Variants in SBK2 observed in about 807,000 individuals in gnomAD.
SBK2 encodes SH3 domain binding kinase family member 2.
SBK2 carries 18 observed loss-of-function variants against 15.9 expected under a neutral mutation model. The observed-to-expected ratio is 1.13, with a 90% CI of 0.78 to 1.68. The LOEUF (loss-of-function observed/expected upper bound fraction) is 1.68, where lower values mean the gene tolerates loss of function less well. SBK2 is among the 40% of genes most tolerant of loss of function. The pLI, the probability that SBK2 is intolerant of heterozygous loss-of-function variation, is 0.00. For missense variants in SBK2, 581 were observed against 510.9 expected, an observed-to-expected ratio of 1.14 and a Z score of -1.32; for synonymous variants, 284 against 246.8, an observed-to-expected ratio of 1.15 and a Z score of -1.41.
Position 55,529,794 on chromosome 19 carries a change from CA to C in SBK2, c.985del (p.Trp329GlyfsTer76), listed in dbSNP as rs765036674. The C allele has an allele frequency of 1.9e-6, 3 of 1,604,322 alleles. No individual in the cohort carries two copies. Among genetic ancestry groups the C allele is most frequent in the Non-Finnish European group, 2.5e-6 (3 of 1,179,696 alleles). On this transcript the variant is annotated frameshift_variant, in exon 4 of 4. Coordinates refer to ENST00000413299, the MANE Select transcript of SBK2 (RefSeq NM_001370096.2). LOFTEE classifies it low-confidence loss of function (END_TRUNC). Reference sequence around the variant, plus strand: ...CTCCGCCTCGCCCTCCCGCTGCCTCCAGGGGCGCCCCAGGTGCTCCCTGATG... The same window carrying C: ...CTCCGCCTCGCCCTCCCGCTGCCTCCGGGGCGCCCCAGGTGCTCCCTGATG... ...IAIREHLGRPWRQREGEAEAV... is the reference protein window; with the variant it reads ...IAIREHLGRPXRQREGEAEAV...
rs200910704 is a variant in SBK2 at position 55,536,037 on chromosome 19, C to G, written c.253+5G>C. On this transcript the variant is annotated splice_donor_5th_base_variant and intron_variant, in intron 2 of 3. Transcript: ENST00000413299. ...CCTGCCACCTCTGGCCCCACAGCCT[C>G]GTACCTTTCTGACGATGGGTGACCA... 8.2e-6 allele frequency: 12 copies of G among 1,468,200 alleles called. No homozygotes were observed. The Admixed American group carries it at 2.6e-4, about 31-fold the overall frequency. 90.9% of individuals were successfully genotyped at this position (1,468,200 alleles called of 1,614,324 possible). A position where few individuals can be genotyped will look rare whatever the true frequency, so the allele number is the denominator to read the frequency against.
rs755938435 is a variant in SBK2, at chr19:55,531,127, G to C, written c.456+16C>G. 1 of 1,604,968 alleles carries C rather than the reference G, an allele frequency of 6.2e-7. No individual in the cohort carries two copies. Among genetic ancestry groups the C allele is most frequent in the African/African-American group, 1.3e-5 (1 of 74,838 alleles). ...CGGTGAGGCACTCGGAGGCGGCCTG[G>C]GGTCTGCCTACGCACCTTGGGCTGG... On this transcript the variant is annotated intron_variant, in intron 3 of 3. Coordinates refer to ENST00000413299, the MANE Select transcript of SBK2 (RefSeq NM_001370096.2).
At position 55,529,201 on chromosome 19, in the gene SBK2, C is replaced by G. The variant is rs1381246526; in HGVS notation, c.*532G>C. Among the ~76,000 whole-genome samples the G allele has an allele frequency of 6.9e-6, 1 of 144,624 alleles. No homozygotes were observed. Among genetic ancestry groups the G allele is most frequent in the Non-Finnish European group, 1.5e-5 (1 of 66,938 alleles). 94.9% of individuals were successfully genotyped at this position (144,624 alleles called of 152,430 possible). A position where few individuals can be genotyped will look rare whatever the true frequency, so the allele number is the denominator to read the frequency against. ...TTTGAGGCCAGGAGTTGACACCCAC[C>G]TGGGCAACATAGCAAGACCCCTCCA... On this transcript the variant is annotated 3_prime_UTR_variant, in exon 4 of 4. Coordinates refer to ENST00000413299, the MANE Select transcript of SBK2 (RefSeq NM_001370096.2).
intron 2 of SBK2, among the ~76,000 whole-genome samples, chr19:55,533,623 ACAGTCCG>A (rs539195680): frequency 0.58 from 29,718 of 51,130 alleles, 11,255 homozygotes; most frequent in Non-Finnish European, 0.62. Flanking sequence ...ACTGCAGTCC[ACAGTCCG>A]GCCTGGGCGA....
At chr19:55,535,191 C>G (rs955960758) in intron 2 of SBK2, among the ~76,000 whole-genome samples, 2 of 152,066 alleles carry the variant, frequency 1.3e-5, no homozygotes, top group African/African-American at 2.4e-5. Flanking sequence ...CCCGCCCAAC[C>G]CCCCCAGCAC....
intron 2 of SBK2, among the ~76,000 whole-genome samples, chr19:55,535,242 C>T (rs1988369224): frequency 6.6e-6 from 1 of 151,246 alleles, no homozygotes; most frequent in Non-Finnish European, 1.5e-5. Flanking sequence ...TGACTGACCT[C>T]AGGTTGCCTC....
rs79491135 is a variant in SBK2, at chr19:55,529,328, T to C, written c.*405A>G. Among the ~76,000 whole-genome samples, 1,787 of 152,070 alleles carry C rather than the reference T, an allele frequency of 0.012. 35 individuals are homozygous for C. The highest frequency in any genetic ancestry group is 0.039 in the African/African-American group (1,630 of 41,386). ...GGAAGATTGCTTGAGCTGTGGATTTTGAGACTGCAGTGAGCAGAGATAGCA... is the reference window on the plus strand; with the variant it reads ...GGAAGATTGCTTGAGCTGTGGATTTCGAGACTGCAGTGAGCAGAGATAGCA... On this transcript the variant is annotated 3_prime_UTR_variant, in exon 4 of 4. Coordinates refer to ENST00000413299, the MANE Select transcript of SBK2 (RefSeq NM_001370096.2).
intron 2 of SBK2, among the ~76,000 whole-genome samples, chr19:55,533,584 C>T (rs74737065): frequency 0.74 from 53,741 of 72,520 alleles, 20,261 homozygotes; most frequent in Middle Eastern, 0.76. Flanking sequence ...ACCCGGGAGG[C>T]GGAGCTTGCA....
intron 2 of SBK2, among the ~76,000 whole-genome samples, chr19:55,535,141 G>A (rs57249566): frequency 2.8e-4 from 42 of 152,286 alleles, no homozygotes; most frequent in African/African-American, 9.6e-4. Flanking sequence ...GGAGATTTTT[G>A]AAGGCAGGGA....
At chr19:55,531,771 A>T (rs921043606) in intron 2 of SBK2, among the ~76,000 whole-genome samples, 1 of 152,212 alleles carries the variant, frequency 6.6e-6, no homozygotes, top group East Asian at 1.9e-4. Context: ...TGATGTCAGG[A>T]GTTCAAGACC....
chr19:55,534,078 G>T (rs185095377), intron 2 of SBK2, among the ~76,000 whole-genome samples: 15 of 152,310 alleles, frequency 9.8e-5, no homozygotes, highest in Non-Finnish European at 2.1e-4. Flanking sequence ...GCTGTTGTGT[G>T]GCTGTGTTAT....
rs563208824 is a variant in SBK2, at chr19:55,533,856, G to T, written c.253+2186C>A. Among the ~76,000 whole-genome samples the T allele has an allele frequency of 2.6e-5, 4 of 151,898 alleles. No homozygotes were observed. The South Asian group carries it at 8.3e-4, about 32-fold the overall frequency. On this transcript the variant is annotated intron_variant, in intron 2 of 3. Transcript: ENST00000413299. ...ATCCCTGCCCATCTATGCTCCCCAC[G>T]GTGCCCTGAGCTTCTTAACGACAGT... is the stretch of plus-strand genomic sequence containing the variant.
intron 3 of SBK2, 136 bp downstream of exon 3, chr19:55,531,007 C>T (rs1300130272): frequency 1.3e-6 from 1 of 751,466 alleles, no homozygotes; most frequent in Non-Finnish European, 2.2e-6. Flanking sequence ...GTGGGCCCCA[C>T]GAGGGGCCTC....
In SBK2 at chr19:55,536,175, G is replaced by A. The variant is rs777880595; in HGVS notation, c.120C>T (p.Arg40=). 2.0e-5 allele frequency: 32 copies of A among 1,606,642 alleles called. No individual in the cohort carries two copies. The highest frequency in any genetic ancestry group is 1.6e-4 in the Middle Eastern group (1 of 6,076). The change falls in exon 2 of 4, where the codon CGC becomes CGT. Residue 40 remains arginine, a synonymous_variant. Transcript: ENST00000413299. ...EELQQGQEAA[R]ALEDMMTLSA... ...TCAGCGTCATCATGTCCTCCAGCGC[G>A]CGGGCAGCCTCCTGGCCCTGCTGGA...
chr19:55,530,051 G>A lies in SBK2; in HGVS notation c.729C>T (p.Ala243=). ...PLPEGLPIQP[A]LDAWALGVLL... ...GGACGCCCAGCGCCCAGGCGTCCAG[G>A]GCGGGCTGAATGGGCAGGCCCTCGG... Residue 243 remains alanine (A), a synonymous_variant, in exon 4 of 4, where the codon GCC becomes GCT. Transcript: ENST00000413299. 2 of 1,469,870 alleles carry A rather than the reference G, an allele frequency of 1.4e-6. No homozygotes were observed. Among genetic ancestry groups the A allele is most frequent in the Non-Finnish European group, 9.0e-7 (1 of 1,115,834 alleles). The allele number at this position is 1,469,870 out of a possible 1,614,324, so 91.1% of individuals were successfully genotyped here. A position where few individuals can be genotyped will look rare whatever the true frequency, so the allele number is the denominator to read the frequency against.
chr19:55,531,367 T>C (rs117964325), intron 2 of SBK2, 22 bp from the exon 3 acceptor site: 68,867 of 1,573,338 alleles, frequency 0.044, 1,826 homozygotes, highest in Non-Finnish European at 0.053. Flanking sequence ...GGGACAGGTA[T>C]GGGAGGCGTG....
chr19:55,532,828 T>TA (rs1024072986), intron 2 of SBK2, among the ~76,000 whole-genome samples: 2 of 151,498 alleles, frequency 1.3e-5, no homozygotes, highest in Admixed American at 6.6e-5. Flanking sequence ...CTAAGTTTTT[T>TA]AAAAAAAATT....
Position 55,529,609 on chromosome 19 carries a change from G to A in SBK2, c.*124C>T, listed in dbSNP as rs528405050. On this transcript the variant is annotated 3_prime_UTR_variant, in exon 4 of 4. Transcript: ENST00000413299. ...AATGCAGCCTGCAGAGAGGAGAGAG[G>A]AGGAGGACGCCGAGGGGAATCCCAA... 461 of 1,322,878 alleles carry A rather than the reference G, an allele frequency of 3.5e-4. 3 individuals carry two copies. In the African/African-American group the frequency reaches 6.1e-3, roughly 18 times the overall value. The allele number at this position is 1,322,878 out of a possible 1,614,324, so 81.9% of individuals were successfully genotyped here.
chr19:55,535,590 A>G (rs528389145), intron 2 of SBK2, among the ~76,000 whole-genome samples: 8 of 152,264 alleles, frequency 5.3e-5, no homozygotes, highest in Non-Finnish European at 8.8e-5. Context: ...AGTTTTTGGC[A>G]GGGCACCGTG....
Sources: allele counts gnomAD v4.1 joint callset (sites outside exome capture counted in the v4.1 genomes callset), GRCh38; gene constraint gnomAD v4.1.1; transcripts MANE v1.5; gene names NCBI Gene and HGNC (gene_info 2026-07-23, HGNC 2026-07-21).